SETD2: variants seen among roughly 807,000 people sequenced by gnomAD.
SETD2 encodes the protein histone-lysine N-methyltransferase SETD2.
Under a neutral mutation model 242.1 loss-of-function variants are expected in SETD2, and 31 were observed. The ratio of observed to expected loss-of-function variants is 0.13; its 90% confidence interval spans 0.10 to 0.17. SETD2 has a LOEUF of 0.17. SETD2 is among the 10% of genes least tolerant of loss of function. The pLI, the probability that SETD2 is intolerant of heterozygous loss-of-function variation, is 1.00. For synonymous variants in SETD2, 1,006 were observed against 1,066.5 expected, an observed-to-expected ratio of 0.94 and a Z score of 1.11; for missense variants, 2,481 against 3,046.3, an observed-to-expected ratio of 0.81 and a Z score of 4.37.
At chr3:47,140,446 ATT>A (rs547196027) in intron 1 of SETD2, among the ~76,000 whole-genome samples, 19 of 152,210 alleles carry the variant, frequency 1.2e-4, no homozygotes, top group Admixed American at 4.6e-4. Flanking sequence ...TCAATTATCC[ATT>A]TGTTTTCCTC....
intron 19 of SETD2, 93 bp downstream of exon 19, chr3:47,019,667 G>T: frequency 9.2e-7 from 1 of 1,090,774 alleles, no homozygotes; most frequent in Non-Finnish European, 1.4e-6. Context: ...CCTATCTTGG[G>T]GCAAAGGAGA....
rs187760163 is a variant in SETD2, at chr3:47,102,136, T to C, written c.4918-581A>G. On this transcript the variant is annotated intron_variant, in intron 7 of 20. Coordinates refer to ENST00000409792, the MANE Select transcript of SETD2 (RefSeq NM_014159.7). ...GGGCAGATACATGTTAGGCAGATCT[T>C]TTAGTTCCAAAACATGTAAGCAAGT... Among the ~76,000 whole-genome samples the C allele has an allele frequency of 7.8e-4, 119 of 152,338 alleles. 2 individuals carry two copies. Among genetic ancestry groups the C allele is most frequent in the African/African-American group, 2.7e-3 (112 of 41,582 alleles).
rs374578567 is a variant in SETD2, at chr3:47,098,140, T to C, written c.5016-59A>G. 3 of 1,586,222 alleles carry C rather than the reference T, an allele frequency of 1.9e-6. No individual in the cohort carries two copies. The African/African-American group carries it at 4.1e-5, about 21-fold the overall frequency. On this transcript the variant is annotated intron_variant, in intron 8 of 20. Transcript: ENST00000409792. The stretch of plus-strand genomic sequence containing the variant: ...GTGGAAGTAAACCATACAAAACTGT[T>C]GGCAATACACACAAAAGTCATACCA...
In SETD2 at chr3:47,123,554, T is replaced by C. The variant is rs1297433738; in HGVS notation, c.1082A>G (p.Glu361Gly). The change falls in exon 3 of 21, where the codon GAG becomes GGG. Residue 361 changes from glutamate (E) to glycine (G), a missense_variant. Physicochemically the swap from Glu to Gly is moderately conservative, Grantham distance 98. This residue lies in a region of SETD2 where 38 missense variants were observed against 61.0 expected (regional missense o/e 0.62). Coordinates refer to ENST00000409792, the MANE Select transcript of SETD2 (RefSeq NM_014159.7). Reference protein sequence around the residue: ...FKKSSAPLKSEDLGKPSRSKT... With the variant: ...FKKSSAPLKSGDLGKPSRSKT... ...AGATCGTGAAGGTTTCCCTAGATCCTCACTTTTTAAAGGTGCTGAGCTCTT... is the reference window on the plus strand; with the variant it reads ...AGATCGTGAAGGTTTCCCTAGATCCCCACTTTTTAAAGGTGCTGAGCTCTT... The C allele has an allele frequency of 6.4e-7, 1 of 1,550,588 alleles. No homozygotes were observed. Among genetic ancestry groups the C allele is most frequent in the East Asian group, 2.4e-5 (1 of 40,918 alleles).
chr3:47,128,372 G>GAGAAAAGGAAGCT (rs2043397363), intron 1 of SETD2, among the ~76,000 whole-genome samples: 1 of 152,210 alleles, frequency 6.6e-6, no homozygotes, highest in African/African-American at 2.4e-5. Context: ...TGTCTACTTG[G>GAGAAAAGGAAGCT]AGAAAAGGAA....
chr3:47,100,115 G>A (rs1434946030), intron 8 of SETD2, among the ~76,000 whole-genome samples: 1 of 151,474 alleles, frequency 6.6e-6, no homozygotes, highest in Admixed American at 6.6e-5. Flanking sequence ...GCTATTTTTT[G>A]TATTCTTAGT....
intron 5 of SETD2, among the ~76,000 whole-genome samples, chr3:47,112,406 C>T (rs934240145): frequency 6.6e-6 from 1 of 152,144 alleles, no homozygotes; most frequent in Non-Finnish European, 1.5e-5. Context: ...CTCAGCCCCT[C>T]AAGTAACTGG....
chr3:47,102,772 CA>C (rs5848821), intron 7 of SETD2, among the ~76,000 whole-genome samples: 3,466 of 97,876 alleles, frequency 0.035, 96 homozygotes, highest in East Asian at 0.14. Flanking sequence ...CCAGCCTGGG[CA>C]AAAAAAAAAA....
rs2107637210 is a variant in SETD2, at chr3:47,083,712, T to C, written c.6060+8A>G. 6.3e-7 allele frequency: 1 copy of C among 1,590,904 alleles called. No individual in the cohort carries two copies. Among genetic ancestry groups the C allele is most frequent in the Non-Finnish European group, 8.6e-7 (1 of 1,169,518 alleles). On this transcript the variant is annotated splice_region_variant and intron_variant, in intron 12 of 20. Coordinates refer to ENST00000409792, the MANE Select transcript of SETD2 (RefSeq NM_014159.7). The stretch of plus-strand genomic sequence containing the variant: ...TCAAGTTGAAATGAACAAAAGATGC[T>C]TCCTTACCTTTAGGTCTTTCCAACT...
chr3:47,071,816 G>A (rs968597200), intron 12 of SETD2, among the ~76,000 whole-genome samples: 1 of 152,046 alleles, frequency 6.6e-6, no homozygotes, highest in Non-Finnish European at 1.5e-5. Flanking sequence ...ACTTTACAAC[G>A]TTTTCTTATG....
At chr3:47,101,730 T>C (rs2042221776) in intron 7 of SETD2, among the ~76,000 whole-genome samples, 175 bp from the exon 8 acceptor site, 1 of 151,924 alleles carries the variant, frequency 6.6e-6, no homozygotes, top group Admixed American at 6.6e-5. Context: ...ACTTTTTTCT[T>C]TAAAAGAACT....
intron 5 of SETD2, among the ~76,000 whole-genome samples, chr3:47,112,658 C>T (rs1396102165): frequency 1.3e-5 from 2 of 152,036 alleles, no homozygotes; most frequent in Admixed American, 6.6e-5. Context: ...GGCATGATCT[C>T]GGCTCACTGC....
chr3:47,058,368 G>A (rs1216379326), intron 14 of SETD2, among the ~76,000 whole-genome samples: 1 of 144,972 alleles, frequency 6.9e-6, no homozygotes. Context: ...TTGAACCCAG[G>A]AGGCAGAGGT....
intron 14 of SETD2, among the ~76,000 whole-genome samples, chr3:47,061,919 G>A (rs1348860773): frequency 6.6e-6 from 1 of 152,142 alleles, no homozygotes; most frequent in Non-Finnish European, 1.5e-5. Context: ...CTCCCAAAAC[G>A]ACATTTAAAT....
At chr3:47,059,381 G>C (rs1225353816) in intron 14 of SETD2, among the ~76,000 whole-genome samples, 1 of 151,726 alleles carries the variant, frequency 6.6e-6, no homozygotes, top group Non-Finnish European at 1.5e-5. Flanking sequence ...CTCCCAAAGT[G>C]CTGGGATTAT....
chr3:47,072,763 G>GTGAA (rs2040879739), intron 12 of SETD2, among the ~76,000 whole-genome samples: 1 of 142,158 alleles, frequency 7.0e-6, no homozygotes, highest in South Asian at 2.4e-4. Context: ...GGCTAACACG[G>GTGAA]TGAAACCCTG....
chr3:47,155,624 T>G (rs1361173473), intron 1 of SETD2, among the ~76,000 whole-genome samples: 1 of 152,036 alleles, frequency 6.6e-6, no homozygotes, highest in African/African-American at 2.4e-5. Flanking sequence ...CTGGGCAGCA[T>G]GGCAAACCCC....
intron 7 of SETD2, among the ~76,000 whole-genome samples, chr3:47,102,772 C>CAAAAA (rs5848821): frequency 1.0e-5 from 1 of 97,926 alleles, no homozygotes; most frequent in Non-Finnish European, 2.0e-5. Flanking sequence ...CCAGCCTGGG[C>CAAAAA]AAAAAAAAAA....
chr3:47,072,206 G>A (rs1408193130), intron 12 of SETD2, among the ~76,000 whole-genome samples: 4 of 152,230 alleles, frequency 2.6e-5, no homozygotes, highest in African/African-American at 9.6e-5. Flanking sequence ...TACTGGGGAG[G>A]CTGAGGCAGG....
Sources: allele counts gnomAD v4.1 joint callset (sites outside exome capture counted in the v4.1 genomes callset), GRCh38; gene constraint gnomAD v4.1.1; regional missense constraint gnomAD v4.1.1; transcripts MANE v1.5; gene names NCBI Gene and HGNC (gene_info 2026-07-23, HGNC 2026-07-21).